Variants in ARGLU1 observed in about 807,000 individuals in gnomAD.
The protein encoded by ARGLU1 is arginine and glutamate-rich protein 1.
Under a neutral mutation model 37.6 loss-of-function variants are expected in ARGLU1, and 9 were observed. That is an observed-to-expected ratio of 0.24 (90% CI 0.14 to 0.42). ARGLU1 has a LOEUF of 0.42. ARGLU1 is among the 10% of genes least tolerant of loss of function. The pLI, the probability that ARGLU1 is intolerant of heterozygous loss-of-function variation, is 1.00. For missense variants in ARGLU1, 211 were observed against 359.2 expected (o/e 0.59, Z 3.34); for synonymous variants, 166 against 138.5 (o/e 1.20, Z -1.39).
At chr13:106,548,607 C>T (rs1429689955) in intron 3 of ARGLU1, among the ~76,000 whole-genome samples, 2 of 152,118 alleles carry the variant, frequency 1.3e-5, no homozygotes, top group Non-Finnish European at 2.9e-5. Flanking sequence ...TGCCCATAAC[C>T]CTGTTCAATC....
chr13:106,561,260 T>G (rs891187499), intron 1 of ARGLU1, among the ~76,000 whole-genome samples: 1 of 152,152 alleles, frequency 6.6e-6, no homozygotes, highest in African/African-American at 2.4e-5. Context: ...CAATAGAAAT[T>G]AAATCACATT....
Position 106,567,770 on chromosome 13 carries a change from C to A in ARGLU1, c.150G>T (p.Arg50=), listed in dbSNP as rs1205961938. ...GCGAACGGGACCGCGACTCCCGCCGCCGGTTCCGTTTACTTTCCCGAGATT... is the reference window on the plus strand; with the variant it reads ...GCGAACGGGACCGCGACTCCCGCCGACGGTTCCGTTTACTTTCCCGAGATT... ...RSKSRESKRN[R]RRESRSRSRS... The change falls in exon 1 of 4, where the codon CGG becomes CGT. Residue 50 remains arginine (R), a synonymous_variant. Coordinates refer to ENST00000400198, the MANE Select transcript of ARGLU1 (RefSeq NM_018011.4). The surrounding 1 kb of genome is among the most constrained non-coding windows in gnomAD (Gnocchi z 4.3). 1 of 1,613,220 alleles carries A rather than the reference C, an allele frequency of 6.2e-7. No individual in the cohort carries two copies. Among genetic ancestry groups the A allele is most frequent in the Non-Finnish European group, 8.5e-7 (1 of 1,179,582 alleles).
At chr13:106,565,898 A>T (rs1409920089) in intron 1 of ARGLU1, among the ~76,000 whole-genome samples, 1 of 152,188 alleles carries the variant, frequency 6.6e-6, no homozygotes, top group Admixed American at 6.5e-5. Context: ...AAACCTGCTA[A>T]ATGCTTCTAT....
Position 106,557,102 on chromosome 13 carries a change from T to C in ARGLU1, c.603A>G (p.Leu201=). ...EEEERAKREE[L]ERILEENNRK... The stretch of plus-strand genomic sequence containing the variant: ...GGTTATTCTCTTCCAGTATTCGCTC[T>C]AGCTCCTCACGTTTTGCACGTTCTT... The change falls in exon 3 of 4, where the codon CTA becomes CTG. Residue 201 remains leucine (L), a synonymous_variant. Transcript: ENST00000400198. The surrounding 1 kb of genome is among the most constrained non-coding windows in gnomAD (Gnocchi z 5.0). 6.2e-7 allele frequency: 1 copy of C among 1,614,040 alleles called. No homozygotes were observed. Among genetic ancestry groups the C allele is most frequent in the Non-Finnish European group, 8.5e-7 (1 of 1,179,908 alleles).
intron 3 of ARGLU1, 111 bp downstream of exon 3, chr13:106,556,937 G>A: frequency 2.3e-6 from 2 of 882,624 alleles, no homozygotes; most frequent in South Asian, 3.1e-5. Flanking sequence ...TTAGTCCTGA[G>A]AATCCCCCCA....
chr13:106,567,495 C>A lies in ARGLU1; in HGVS notation c.347+78G>T. 1 of 1,063,422 alleles carries A rather than the reference C, an allele frequency of 9.4e-7. No individual in the cohort carries two copies. Among genetic ancestry groups the A allele is most frequent in the African/African-American group, 1.7e-5 (1 of 60,346 alleles). 65.9% of individuals were successfully genotyped at this position (1,063,422 alleles called of 1,614,324 possible). On this transcript the variant is annotated intron_variant, in intron 1 of 3. Coordinates refer to ENST00000400198, the MANE Select transcript of ARGLU1 (RefSeq NM_018011.4). This position sits in a 1 kb window ranked among gnomAD's most constrained non-coding sequence, Gnocchi z 4.3. Reference sequence around the variant, plus strand: ...TCCCCGCCATTCTCCCGGCCCGCACCGTCCCGCCCCGGCCCCACGCCCTCG... The same window carrying A: ...TCCCCGCCATTCTCCCGGCCCGCACAGTCCCGCCCCGGCCCCACGCCCTCG...
In ARGLU1 at chr13:106,543,821, GA is replaced by G. The variant is rs1234339431; in HGVS notation, c.*174del. 36 of 508,704 alleles carry G rather than the reference GA, an allele frequency of 7.1e-5. No individual in the cohort carries two copies. The highest frequency in any genetic ancestry group is 9.6e-5 in the Non-Finnish European group (30 of 311,114). The allele number at this position is 508,704 out of a possible 1,614,324, so 31.5% of individuals were successfully genotyped here. On this transcript the variant is annotated 3_prime_UTR_variant, in exon 4 of 4. Transcript: ENST00000400198. ...GATCTGATAAGGATTTGACTTAGTG[GA>G]AGGAAAAAAAAAAAAAAAAAGGGAA...
intron 1 of ARGLU1, among the ~76,000 whole-genome samples, chr13:106,561,262 A>G (rs111631620): frequency 8.5e-5 from 13 of 152,202 alleles, no homozygotes; most frequent in Non-Finnish European, 1.5e-4. Context: ...ATAGAAATTA[A>G]ATCACATTTC....
chr13:106,567,283 C>T lies in ARGLU1; in HGVS notation c.347+290G>A, dbSNP rs12869855. Among the ~76,000 whole-genome samples, 1 of 151,246 alleles carries T rather than the reference C, an allele frequency of 6.6e-6. No individual in the cohort carries two copies. The highest frequency in any genetic ancestry group is 1.5e-5 in the Non-Finnish European group (1 of 67,920). The stretch of plus-strand genomic sequence containing the variant: ...CTCACTCCGAACTCCACCCCTACTT[C>T]CGGGACACCACTCCTCTCTCGCGCC... On this transcript the variant is annotated intron_variant, in intron 1 of 3. Transcript: ENST00000400198. This position sits in a 1 kb window ranked among gnomAD's most constrained non-coding sequence, Gnocchi z 4.3.
rs201584162 is a variant in ARGLU1, at chr13:106,542,303, G to GAAAA, written c.*1689_*1692dup. On this transcript the variant is annotated 3_prime_UTR_variant, in exon 4 of 4. Transcript: ENST00000400198. Reference sequence around the variant, plus strand: ...AATCTTCACCAAAAAAAGTTACATTGAAAAAAAAAAAAATTCATGAAATAA... The same window carrying GAAAA: ...AATCTTCACCAAAAAAAGTTACATTGAAAAAAAAAAAAAAAAATTCATGAAATAA... The GAAAA allele has an allele frequency of 2.2e-5, 3 of 134,710 alleles. No individual in the cohort carries two copies. The highest frequency in any genetic ancestry group is 8.1e-5 in the African/African-American group (3 of 37,202). The allele number at this position is 134,710 out of a possible 1,614,324, so 8.3% of individuals were successfully genotyped here. A position where few individuals can be genotyped will look rare whatever the true frequency, so the allele number is the denominator to read the frequency against.
chr13:106,553,211 A>T (rs7994781), intron 3 of ARGLU1, among the ~76,000 whole-genome samples: 4,386 of 152,256 alleles, frequency 0.029, 252 homozygotes, highest in African/African-American at 0.099. Flanking sequence ...ATTTTGGCTT[A>T]TTTTTCTGTC....
Position 106,548,446 on chromosome 13 carries a change from G to A in ARGLU1, c.658-4286C>T, listed in dbSNP as rs370819680. Among the ~76,000 whole-genome samples, 369 of 152,222 alleles carry A rather than the reference G, an allele frequency of 2.4e-3. 4 individuals carry two copies. Among genetic ancestry groups the A allele is most frequent in the African/African-American group, 8.4e-3 (347 of 41,540 alleles). On this transcript the variant is annotated intron_variant, in intron 3 of 3. Transcript: ENST00000400198. ...ACAAGAAAGCAGTATTTGCATGGGG[G>A]GTTGGGGATGCATATATGTATTTAT...
At position 106,557,039 on chromosome 13, in the gene ARGLU1, T is replaced by C; in HGVS notation, c.657+9A>G. On this transcript the variant is annotated intron_variant, in intron 3 of 3. Coordinates refer to ENST00000400198, the MANE Select transcript of ARGLU1 (RefSeq NM_018011.4). This position sits in a 1 kb window ranked among gnomAD's most constrained non-coding sequence, Gnocchi z 5.0. ...TACAAAACACTTTTCATGTATGCTTTACACTTACCAGTTTGGCTTGTGCTT... is the reference window on the plus strand; with the variant it reads ...TACAAAACACTTTTCATGTATGCTTCACACTTACCAGTTTGGCTTGTGCTT... 1 of 1,609,404 alleles carries C rather than the reference T, an allele frequency of 6.2e-7. No individual in the cohort carries two copies. Among genetic ancestry groups the C allele is most frequent in the Non-Finnish European group, 8.5e-7 (1 of 1,175,818 alleles).
At position 106,557,890 on chromosome 13, in the gene ARGLU1, C is replaced by A; in HGVS notation, c.574-759G>T. On this transcript the variant is annotated intron_variant, in intron 2 of 3. Transcript: ENST00000400198. The surrounding 1 kb of genome is among the most constrained non-coding windows in gnomAD (Gnocchi z 5.0). ...CTTAACATTCAGATGTTGACAATTT[C>A]GGAAGGCAGCTTATATTGTCATCTA... is the stretch of plus-strand genomic sequence containing the variant. 1.0e-6 allele frequency: 1 copy of A among 985,386 alleles called. No individual in the cohort carries two copies. The highest frequency in any genetic ancestry group is 1.2e-6 in the Non-Finnish European group (1 of 829,904). The allele number at this position is 985,386 out of a possible 1,614,324, so 61.0% of individuals were successfully genotyped here.
chr13:106,561,881 G>A (rs1880811406), intron 1 of ARGLU1: 1 of 152,222 alleles, frequency 6.6e-6, no homozygotes, highest in Non-Finnish European at 1.5e-5. Context: ...TTCCACTGAT[G>A]ACATCAAACC....
Position 106,560,694 on chromosome 13 carries a change from A to G in ARGLU1, c.348-1037T>C, listed in dbSNP as rs1880775879. 2.0e-5 allele frequency among the ~76,000 whole-genome samples: 3 copies of G among 152,222 alleles called. No individual in the cohort carries two copies. The South Asian group carries it at 6.2e-4, about 31-fold the overall frequency. On this transcript the variant is annotated intron_variant, in intron 1 of 3. Coordinates refer to ENST00000400198, the MANE Select transcript of ARGLU1 (RefSeq NM_018011.4). ...TCTAGTTAATAGCACTGAGACAATA[A>G]TTTGTGCTGAATGAATAAATTCTGA...
At chr13:106,552,236 G>A (rs1046576941) in intron 3 of ARGLU1, among the ~76,000 whole-genome samples, 2 of 152,140 alleles carry the variant, frequency 1.3e-5, no homozygotes, top group African/African-American at 4.8e-5. Context: ...GGTATAACAC[G>A]ATGAACTTGG....
chr13:106,551,428 C>A (rs1880527897), intron 3 of ARGLU1, among the ~76,000 whole-genome samples: 1 of 152,158 alleles, frequency 6.6e-6, no homozygotes. Context: ...TTTATATGTT[C>A]CTAATTTGCT....
chr13:106,559,086 A>T lies in ARGLU1; in HGVS notation c.573+346T>A, dbSNP rs1880729677. 7 of 1,228,776 alleles carry T rather than the reference A, an allele frequency of 5.7e-6. No homozygotes were observed. The South Asian group carries it at 7.7e-5, about 13-fold the overall frequency. The allele number at this position is 1,228,776 out of a possible 1,614,324, so 76.1% of individuals were successfully genotyped here. ...TAGAAGAATATACAACCACAGGTGG[A>T]TTTTTAACCTTTTCCCTTTACCACT... On this transcript the variant is annotated intron_variant, in intron 2 of 3. Transcript: ENST00000400198.
Sources: allele counts gnomAD v4.1 joint callset (sites outside exome capture counted in the v4.1 genomes callset), GRCh38; gene constraint gnomAD v4.1.1; non-coding constraint Gnocchi (gnomAD v3.1); transcripts MANE v1.5; gene names NCBI Gene and HGNC (gene_info 2026-07-23, HGNC 2026-07-21).